The following NRXN1 variants were observed in gnomAD, a reference collection of about 807,000 sequenced individuals.
NRXN1 encodes the protein neurexin 1.
A neutral mutation model predicts 150.9 loss-of-function variants in NRXN1; 39 were observed. The ratio of observed to expected loss-of-function variants is 0.26; its 90% CI spans 0.20 to 0.34. NRXN1 has a LOEUF of 0.34. Ranked by LOEUF, NRXN1 falls within the 10% of genes least tolerant of loss-of-function variation. The pLI, the probability that NRXN1 is intolerant of heterozygous loss-of-function variation, is 1.00. For synonymous variants in NRXN1, 924 were observed against 757.0 expected, an observed-to-expected ratio of 1.22 and a Z score of -3.62; for missense variants, 1,815 against 1,949.9, an observed-to-expected ratio of 0.93 and a Z score of 1.30.
chr2:50,812,511 G>A (rs536865901), intron 5 of NRXN1, among the ~76,000 whole-genome samples: 1 of 151,906 alleles, frequency 6.6e-6, no homozygotes, highest in Non-Finnish European at 1.5e-5. Flanking sequence ...TAGTAAACAG[G>A]AACTATGTAT....
chr2:50,017,446 C>G (rs1381082068), intron 21 of NRXN1, among the ~76,000 whole-genome samples: 1 of 151,454 alleles, frequency 6.6e-6, no homozygotes, highest in Non-Finnish European at 1.5e-5. Context: ...AAATAAAAGT[C>G]AAAAAAAATT....
At chr2:50,681,244 G>A (rs1026831776) in intron 5 of NRXN1, among the ~76,000 whole-genome samples, 11 of 152,188 alleles carry the variant, frequency 7.2e-5, no homozygotes, top group African/African-American at 2.4e-4. Context: ...CAAAAACTGT[G>A]TTGTTCTCAC....
chr2:50,405,606 T>C (rs886321981), intron 17 of NRXN1, among the ~76,000 whole-genome samples: 1 of 152,166 alleles, frequency 6.6e-6, no homozygotes, highest in Non-Finnish European at 1.5e-5. Flanking sequence ...GAGAAAATTG[T>C]ACATTTCCTT....
At chr2:50,563,866 G>T (rs1369728517) in intron 8 of NRXN1, among the ~76,000 whole-genome samples, 1 of 151,966 alleles carries the variant, frequency 6.6e-6, no homozygotes, top group Non-Finnish European at 1.5e-5. Context: ...TCTTTCCCTG[G>T]CTGCCTGCCT....
At chr2:50,777,374 T>C (rs1462572651) in intron 5 of NRXN1, among the ~76,000 whole-genome samples, 14 of 152,162 alleles carry the variant, frequency 9.2e-5, no homozygotes, top group Admixed American at 9.2e-4. Flanking sequence ...GTGGTTAGTT[T>C]ACTATGAATG....
intron 2 of NRXN1, among the ~76,000 whole-genome samples, chr2:50,975,933 G>A (rs1278373879): frequency 6.6e-6 from 1 of 152,034 alleles, no homozygotes; most frequent in African/African-American, 2.4e-5. Flanking sequence ...GGAAGGCAAG[G>A]AGAAGGCCAG....
intron 9 of NRXN1, among the ~76,000 whole-genome samples, chr2:50,543,303 C>T (rs375151529): frequency 4.6e-5 from 7 of 151,976 alleles, no homozygotes; most frequent in Non-Finnish European, 1.0e-4. Context: ...CATTAAGGCT[C>T]CTAAAATTGG....
intron 5 of NRXN1, among the ~76,000 whole-genome samples, chr2:50,776,929 C>T (rs1703719990): frequency 6.6e-6 from 1 of 152,122 alleles, no homozygotes; most frequent in South Asian, 2.1e-4. Flanking sequence ...CAATCTAATG[C>T]CAGTTCTCAA....
At chr2:50,477,532 A>G (rs1049237153) in intron 15 of NRXN1, among the ~76,000 whole-genome samples, 2 of 152,204 alleles carry the variant, frequency 1.3e-5, no homozygotes, top group African/African-American at 4.8e-5. Flanking sequence ...AATAGGAAGC[A>G]TAAGGCAATT....
In NRXN1 at chr2:50,207,055, A is replaced by G. The variant is rs542016850; in HGVS notation, c.3546+29734T>C. Among the ~76,000 whole-genome samples the G allele has an allele frequency of 4.6e-5, 7 of 152,228 alleles. No homozygotes were observed. In the South Asian group the frequency reaches 1.0e-3, roughly 23 times the overall value. On this transcript the variant is annotated intron_variant, in intron 18 of 22. Transcript: ENST00000401669. ...AGCACTCTTCTTCAAGAAAAAATACATAGAAGAAATTCATAAAAGTATGTT... is the reference window on the plus strand; with the variant it reads ...AGCACTCTTCTTCAAGAAAAAATACGTAGAAGAAATTCATAAAAGTATGTT...
At chr2:50,818,542 G>A (rs890444479) in intron 5 of NRXN1, among the ~76,000 whole-genome samples, 1 of 151,728 alleles carries the variant, frequency 6.6e-6, no homozygotes, top group Non-Finnish European at 1.5e-5. Flanking sequence ...ATAGATTAAA[G>A]ACCTAAACAT....
chr2:50,248,644 T>G (rs895413466), intron 17 of NRXN1, among the ~76,000 whole-genome samples: 1 of 152,196 alleles, frequency 6.6e-6, no homozygotes, highest in Admixed American at 6.5e-5. Context: ...TTTAATTCTT[T>G]TATCATAATG....
intron 17 of NRXN1, among the ~76,000 whole-genome samples, chr2:50,360,219 A>C (rs1474286981): frequency 6.6e-6 from 1 of 152,218 alleles, no homozygotes; most frequent in Non-Finnish European, 1.5e-5. Context: ...GGGCAAAGTA[A>C]CCAACTAGCA....
rs1671162927 is a variant in NRXN1 at position 50,574,869 on chromosome 2, T to C, written c.1321-21844A>G. On this transcript the variant is annotated intron_variant, in intron 8 of 22. Coordinates refer to ENST00000401669, the MANE Select transcript of NRXN1 (RefSeq NM_001330078.2). Reference sequence around the variant, plus strand: ...AGCCATTTGAATCAGGGGATTCTTGTGCTTTGGCTGCAGAAGTTGAAATGA... The same window carrying C: ...AGCCATTTGAATCAGGGGATTCTTGCGCTTTGGCTGCAGAAGTTGAAATGA... Among the ~76,000 whole-genome samples the C allele has an allele frequency of 1.3e-5, 2 of 152,322 alleles. 1 individual carries two copies. The highest frequency in any genetic ancestry group is 3.9e-4 in the East Asian group (2 of 5,164).
chr2:50,546,639 C>A (rs1421192521), intron 9 of NRXN1, among the ~76,000 whole-genome samples: 4 of 151,882 alleles, frequency 2.6e-5, no homozygotes, highest in Non-Finnish European at 4.4e-5. Flanking sequence ...TGTGGAGAAA[C>A]AATAAATGAT....
intron 17 of NRXN1, among the ~76,000 whole-genome samples, chr2:50,273,852 C>T (rs149566575): frequency 0.01 from 1,593 of 152,078 alleles, 29 homozygotes; most frequent in African/African-American, 0.036. Flanking sequence ...GTTAGAATGG[C>T]GATCATTAAA....
rs1389489468 is a variant in NRXN1 at position 50,501,398 on chromosome 2, TGA to T, written c.2498-3686_2498-3685del. On this transcript the variant is annotated intron_variant, in intron 13 of 22. Coordinates refer to ENST00000401669, the MANE Select transcript of NRXN1 (RefSeq NM_001330078.2). The stretch of plus-strand genomic sequence containing the variant: ...CATGACTCGTGTATGTGTGTGTGTG[TGA>T]GTGTGTGTGTGTGTGTGTGTGTGTG... Among the ~76,000 whole-genome samples the T allele has an allele frequency of 1.7e-5, 2 of 119,698 alleles. 1 individual carries two copies. The highest frequency in any genetic ancestry group is 4.7e-4 in the East Asian group (2 of 4,232). 78.5% of individuals were successfully genotyped at this position (119,698 alleles called of 152,430 possible). A position where few individuals can be genotyped will look rare whatever the true frequency, so the allele number is the denominator to read the frequency against.
intron 5 of NRXN1, among the ~76,000 whole-genome samples, chr2:50,669,485 C>T (rs1185685520): frequency 6.6e-6 from 1 of 151,818 alleles, no homozygotes; most frequent in African/African-American, 2.4e-5. Context: ...ATTTATTATC[C>T]TCACTTGGAG....
At chr2:50,433,721 G>A (rs182254196) in intron 17 of NRXN1, among the ~76,000 whole-genome samples, 1 of 151,824 alleles carries the variant, frequency 6.6e-6, no homozygotes, top group Admixed American at 6.6e-5. Context: ...AAGGAGTTGG[G>A]GAGGGAGGGA....
Sources: allele counts gnomAD v4.1 joint callset (sites outside exome capture counted in the v4.1 genomes callset), GRCh38; gene constraint gnomAD v4.1.1; transcripts MANE v1.5; gene names NCBI Gene and HGNC (gene_info 2026-07-23, HGNC 2026-07-21).